RABGAP1L: variants seen among roughly 807,000 people sequenced by gnomAD.
The protein encoded by RABGAP1L is rab GTPase-activating protein 1-like.
Under a neutral mutation model 137.7 loss-of-function variants are expected in RABGAP1L, and 63 were observed. The observed-to-expected ratio is 0.46, with a 90% CI of 0.37 to 0.56. The LOEUF is 0.56. Among genes scored for constraint, RABGAP1L ranks in the 20% least tolerant of loss-of-function variants. RABGAP1L has a pLI of 0.00. For missense variants in RABGAP1L, 1,095 were observed against 1,244.0 expected (o/e 0.88, Z 1.80); for synonymous variants, 431 against 433.7 (o/e 0.99, Z 0.08).
At chr1:174,618,558 C>G (rs184636643) in intron 13 of RABGAP1L, among the ~76,000 whole-genome samples, 5 of 152,302 alleles carry the variant, frequency 3.3e-5, no homozygotes, top group South Asian at 2.1e-4. Flanking sequence ...CCCACAAACT[C>G]CAATAGACCT....
chr1:174,166,887 G>C (rs1664958284), intron 1 of RABGAP1L, among the ~76,000 whole-genome samples: 1 of 152,168 alleles, frequency 6.6e-6, no homozygotes, highest in South Asian at 2.1e-4. Context: ...TGGTAAAGAA[G>C]TTGCTATAGT....
rs1299639931 is a variant in RABGAP1L at position 174,293,312 on chromosome 1, C to T, written c.1324-11674C>T. Among the ~76,000 whole-genome samples the T allele has an allele frequency of 2.0e-5, 3 of 152,208 alleles. No homozygotes were observed. In the East Asian group the frequency reaches 5.8e-4, roughly 29 times the overall value. On this transcript the variant is annotated intron_variant, in intron 10 of 25. Transcript: ENST00000681986. ...AGTGTACTTGCCCTTACTCCTTTAA[C>T]AAAATAGGCTCTTGGCTGGTAAAAT...
chr1:174,348,036 C>A (rs968476226), intron 11 of RABGAP1L, among the ~76,000 whole-genome samples: 1 of 151,912 alleles, frequency 6.6e-6, no homozygotes, highest in African/African-American at 2.4e-5. Context: ...AGGACTTATT[C>A]CTGACATTTT....
chr1:174,898,931 AAAG>A (rs894429246), intron 19 of RABGAP1L, among the ~76,000 whole-genome samples: 1 of 152,184 alleles, frequency 6.6e-6, no homozygotes, highest in African/African-American at 2.4e-5. Context: ...ATATTCAAAA[AAAG>A]GGTATGAGTT....
chr1:174,835,597 C>A (rs1219701883), intron 19 of RABGAP1L, among the ~76,000 whole-genome samples: 2 of 149,286 alleles, frequency 1.3e-5, no homozygotes, highest in Non-Finnish European at 2.9e-5. Flanking sequence ...AATCTATTTT[C>A]TTTTCTTTCT....
rs983140807 is a variant in RABGAP1L at position 174,969,301 on chromosome 1, G to T, written c.2458G>T (p.Ala820Ser). 1.9e-5 allele frequency: 30 copies of T among 1,550,750 alleles called. No homozygotes were observed. Among genetic ancestry groups the T allele is most frequent in the Non-Finnish European group, 2.5e-5 (29 of 1,147,014 alleles). ...YKRENRRLQE[A>S]SMRLEQENDD... ...GAGGGAGAACCGAAGATTACAGGAG[G>T]CCAGCATGAGGTTGGAACAAGAGAA... Residue 820 changes from alanine to serine, a missense_variant, in exon 21 of 26, where the codon GCC (alanine) becomes TCC (serine). By Grantham distance (99) the Ala-to-Ser change is moderately conservative. Coordinates refer to ENST00000681986, the MANE Select transcript of RABGAP1L (RefSeq NM_001366446.1).
intron 1 of RABGAP1L, among the ~76,000 whole-genome samples, chr1:174,193,365 C>G (rs928670684): frequency 6.6e-6 from 1 of 152,172 alleles, no homozygotes; most frequent in African/African-American, 2.4e-5. Context: ...AACCCTGTCT[C>G]TACTAAAAAT....
intron 14 of RABGAP1L, among the ~76,000 whole-genome samples, chr1:174,651,734 C>T (rs982600759): frequency 6.6e-6 from 1 of 152,184 alleles, no homozygotes; most frequent in Non-Finnish European, 1.5e-5. Flanking sequence ...TGTGTCTCTG[C>T]AGGTGAGATG....
chr1:174,664,629 G>C (rs1326313891), intron 14 of RABGAP1L, among the ~76,000 whole-genome samples: 1 of 151,392 alleles, frequency 6.6e-6, no homozygotes, highest in Non-Finnish European at 1.5e-5. Flanking sequence ...CCTTCCAGGT[G>C]CTCCTCTTAG....
At chr1:174,968,539 CG>C (rs1214845683) in intron 20 of RABGAP1L, among the ~76,000 whole-genome samples, 3 of 131,168 alleles carry the variant, frequency 2.3e-5, no homozygotes, top group East Asian at 4.4e-4. Context: ...TTGTTTGTTT[CG>C]TTTTTTTGTT....
chr1:174,610,310 G>T lies in RABGAP1L; in HGVS notation c.1711-27065G>T, dbSNP rs562433851. 2.4e-3 allele frequency among the ~76,000 whole-genome samples: 355 copies of T among 148,316 alleles called. 2 individuals carry two copies. Among genetic ancestry groups the T allele is most frequent in the African/African-American group, 8.0e-3 (323 of 40,322 alleles). ...TATGAGTGAGAACATGCAGTGTTTG[G>T]TTTTTTGTCCTTGTGATAGTTTACT... is the stretch of plus-strand genomic sequence containing the variant. On this transcript the variant is annotated intron_variant, in intron 13 of 25. Coordinates refer to ENST00000681986, the MANE Select transcript of RABGAP1L (RefSeq NM_001366446.1).
At chr1:174,742,623 A>G (rs1572997207) in intron 17 of RABGAP1L, among the ~76,000 whole-genome samples, 1 of 152,224 alleles carries the variant, frequency 6.6e-6, no homozygotes, top group East Asian at 1.9e-4. Context: ...AGGAAGGAGA[A>G]GGTCAAGATC....
At chr1:174,591,090 T>G (rs1669589853) in intron 13 of RABGAP1L, among the ~76,000 whole-genome samples, 1 of 75,160 alleles carries the variant, frequency 1.3e-5, no homozygotes, top group Non-Finnish European at 2.3e-5. Flanking sequence ...TTTGCATTTC[T>G]CTCATGGCCA....
intron 19 of RABGAP1L, among the ~76,000 whole-genome samples, chr1:174,857,215 C>T (rs1254335255): frequency 1.3e-5 from 2 of 152,042 alleles, no homozygotes; most frequent in Non-Finnish European, 2.9e-5. Context: ...AAAATTATAC[C>T]CAGAACCTCC....
At chr1:174,218,670 G>C (rs982230778) in intron 1 of RABGAP1L, among the ~76,000 whole-genome samples, 12 of 152,000 alleles carry the variant, frequency 7.9e-5, no homozygotes, top group Non-Finnish European at 1.3e-4. Context: ...TACAATATTC[G>C]GTCTTGAGGA....
At chr1:174,957,229 T>A (rs1021012356) in intron 19 of RABGAP1L, among the ~76,000 whole-genome samples, 3 of 152,152 alleles carry the variant, frequency 2.0e-5, no homozygotes, top group African/African-American at 7.2e-5. Context: ...AATGACAGAG[T>A]TGAATCTTTG....
At chr1:174,713,656 A>G (rs1363745374) in intron 17 of RABGAP1L, among the ~76,000 whole-genome samples, 13 of 152,226 alleles carry the variant, frequency 8.5e-5, no homozygotes, top group South Asian at 8.3e-4. Context: ...CACCAGCAGC[A>G]GATGCTGGCA....
chr1:174,806,235 T>G (rs1266359708), intron 18 of RABGAP1L, among the ~76,000 whole-genome samples: 2 of 152,178 alleles, frequency 1.3e-5, no homozygotes, highest in Non-Finnish European at 2.9e-5. Flanking sequence ...ATTGTCAGGG[T>G]AAGGGTTTAG....
intron 15 of RABGAP1L, among the ~76,000 whole-genome samples, chr1:174,691,262 G>A (rs1678861537): frequency 6.6e-6 from 1 of 152,156 alleles, no homozygotes; most frequent in Non-Finnish European, 1.5e-5. Context: ...TAACTATGGG[G>A]ATTACTTTAA....
Sources: allele counts gnomAD v4.1 joint callset (sites outside exome capture counted in the v4.1 genomes callset), GRCh38; gene constraint gnomAD v4.1.1; transcripts MANE v1.5; gene names NCBI Gene and HGNC (gene_info 2026-07-23, HGNC 2026-07-21).